APOD: variants seen among roughly 807,000 people sequenced by gnomAD.
APOD encodes the protein apolipoprotein D, also known as apo-D.
A neutral mutation model predicts 20.4 loss-of-function variants in APOD; 22 were observed. The ratio of observed to expected loss-of-function variants is 1.08; its 90% CI spans 0.77 to 1.54. The LOEUF (loss-of-function observed/expected upper bound fraction) is 1.54, where lower values mean the gene tolerates loss of function less well. Ranked by LOEUF, APOD falls within the 40% of genes most tolerant of loss-of-function variation. The probability of loss-of-function intolerance (pLI) is 0.00; values close to 1 mark genes in which losing one functional copy is unlikely to be tolerated. For synonymous variants in APOD, 97 were observed against 92.4 expected, an observed-to-expected ratio of 1.05 and a Z score of -0.29; for missense variants, 223 against 229.6, an observed-to-expected ratio of 0.97 and a Z score of 0.19.
chr3:195,573,043 A>G (rs962213742), intron 3 of APOD, among the ~76,000 whole-genome samples: 2 of 152,176 alleles, frequency 1.3e-5, no homozygotes, highest in Non-Finnish European at 2.9e-5. Context: ...TGGATCTCAG[A>G]CAGCTGGGGA....
At chr3:195,582,166 C>T (rs533806821) in intron 1 of APOD, among the ~76,000 whole-genome samples, 6 of 152,182 alleles carry the variant, frequency 3.9e-5, no homozygotes, top group Non-Finnish European at 8.8e-5. Flanking sequence ...TGCACTCCAG[C>T]CTGGGCAACA....
At chr3:195,571,062 C>A in intron 4 of APOD, 1 of 583,768 alleles carries the variant, frequency 1.7e-6, no homozygotes, top group South Asian at 2.1e-5. Flanking sequence ...AGTATCCACA[C>A]TGGGATGTGA....
intron 2 of APOD, 92 bp downstream of exon 2, chr3:195,579,247 A>T: frequency 6.5e-7 from 1 of 1,546,994 alleles, no homozygotes; most frequent in South Asian, 1.2e-5. Flanking sequence ...CAAGGTGTGC[A>T]GTGGAAATTA....
At chr3:195,579,641 G>GTGTTCCCCTGCA in intron 1 of APOD, 146 bp from the exon 2 acceptor site, 3 of 846,626 alleles carry the variant, frequency 3.5e-6, no homozygotes, top group Non-Finnish European at 5.4e-6. Flanking sequence ...CATCCTGCAG[G>GTGTTCCCCTGCA]GGAACACCTG....
intron 1 of APOD, among the ~76,000 whole-genome samples, chr3:195,581,675 A>G (rs1720340985): frequency 1.3e-5 from 2 of 152,206 alleles, no homozygotes; most frequent in Admixed American, 6.5e-5. Flanking sequence ...GGGCCTTTCA[A>G]TAACCCCCCA....
rs1553889294 is a variant in APOD at position 195,568,831 on chromosome 3, T to TCGGGG, written c.*68_*69insCCCCG. ...GTCGTGGTTGATTGGTTTGTCTTTA[T>TCGGGG]GGGGGGGGGGTAGGGGAAAGCGAAG... On this transcript the variant is annotated 3_prime_UTR_variant, in exon 5 of 5. Coordinates refer to ENST00000343267, the MANE Select transcript of APOD (RefSeq NM_001647.4). The TCGGGG allele has an allele frequency of 3.3e-6, 3 of 898,450 alleles. No homozygotes were observed. The highest frequency in any genetic ancestry group is 4.9e-5 in the African/African-American group (2 of 40,688). The allele number at this position is 898,450 out of a possible 1,614,324, so 55.7% of individuals were successfully genotyped here.
chr3:195,580,828 C>T (rs192679179), intron 1 of APOD, among the ~76,000 whole-genome samples: 62 of 152,272 alleles, frequency 4.1e-4, no homozygotes, highest in African/African-American at 1.4e-3. Flanking sequence ...GGCTTTGAAG[C>T]GGGGCAGCAA....
At chr3:195,583,572 A>G (rs1429830544) in intron 1 of APOD, among the ~76,000 whole-genome samples, 4 of 152,154 alleles carry the variant, frequency 2.6e-5, no homozygotes, top group African/African-American at 9.7e-5. Context: ...GTGCATGGAA[A>G]CACCTCGTTG....
chr3:195,583,169 C>G (rs1234187193), intron 1 of APOD: 1 of 152,144 alleles, frequency 6.6e-6, no homozygotes, highest in African/African-American at 2.4e-5. Flanking sequence ...TTCATACCAA[C>G]GAGGTGAATT....
At chr3:195,581,935 G>A (rs1273563249) in intron 1 of APOD, among the ~76,000 whole-genome samples, 2 of 152,266 alleles carry the variant, frequency 1.3e-5, no homozygotes, top group African/African-American at 2.4e-5. Context: ...ATGGGAGGCC[G>A]AGGCAGGTGG....
intron 2 of APOD, among the ~76,000 whole-genome samples, chr3:195,575,295 T>C (rs1284798012): frequency 6.6e-6 from 1 of 152,218 alleles, no homozygotes; most frequent in Admixed American, 6.5e-5. Flanking sequence ...TGTGATTAGA[T>C]TGAGTTCCCC....
At chr3:195,571,199 A>G (rs767998168) in intron 4 of APOD, 78 bp downstream of exon 4, 12 of 1,247,770 alleles carry the variant, frequency 9.6e-6, no homozygotes, top group Middle Eastern at 1.9e-4. Flanking sequence ...TGTCTCAGGA[A>G]TTCTCCAAGC....
chr3:195,578,926 A>C (rs1560046623), intron 2 of APOD, among the ~76,000 whole-genome samples: 1 of 152,146 alleles, frequency 6.6e-6, no homozygotes, highest in Non-Finnish European at 1.5e-5. Context: ...CTCCCACCTG[A>C]GACCCTGTGT....
Position 195,568,948 on chromosome 3 carries a change from G to GA in APOD, c.521dup (p.Lys175GlnfsTer56). 6.2e-7 allele frequency: 1 copy of GA among 1,614,120 alleles called. No homozygotes were observed. Among genetic ancestry groups the GA allele is most frequent in the East Asian group, 2.2e-5 (1 of 44,884 alleles). ...CCTGGTCTGTGACCGTCATTTTCTT[G>GA]ACATCAATGTTATTAGAAGTCAGGA... is the stretch of plus-strand genomic sequence containing the variant. On this transcript the variant is annotated frameshift_variant, in exon 5 of 5. Transcript: ENST00000343267. LOFTEE classifies it high-confidence loss of function.
chr3:195,569,430 A>G (rs578223023), intron 4 of APOD, among the ~76,000 whole-genome samples: 7 of 152,068 alleles, frequency 4.6e-5, no homozygotes, highest in Non-Finnish European at 1.0e-4. Flanking sequence ...CCATCTGCAC[A>G]TTTCAGCTGC....
At chr3:195,579,208 G>A in intron 2 of APOD, 131 bp downstream of exon 2, 25 of 1,435,194 alleles carry the variant, frequency 1.7e-5, no homozygotes, top group Non-Finnish European at 2.4e-5. Context: ...CTGCTTTGGG[G>A]AAACCCCAAA....
intron 1 of APOD, among the ~76,000 whole-genome samples, chr3:195,580,474 G>A (rs1311224767): frequency 6.6e-6 from 1 of 151,004 alleles, no homozygotes; most frequent in Non-Finnish European, 1.5e-5. Context: ...GCACAATCTC[G>A]GCTCACTGCA....
intron 3 of APOD, among the ~76,000 whole-genome samples, chr3:195,573,297 A>G (rs1720196700): frequency 6.6e-6 from 1 of 152,216 alleles, no homozygotes; most frequent in Admixed American, 6.5e-5. Context: ...TCCAAAGCGT[A>G]GCTTTTTGGA....
chr3:195,571,409 G>A (rs550105267), intron 3 of APOD, 44 bp from the exon 4 acceptor site: 1 of 1,484,616 alleles, frequency 6.7e-7, no homozygotes. Context: ...AACGAAAAGA[G>A]AAAAGAAAAA....
Sources: gnomAD v4.1 joint callset for allele counts (sites outside exome capture counted in the v4.1 genomes callset) on GRCh38, gnomAD v4.1.1 for gene constraint, MANE v1.5 for transcripts, NCBI Gene and HGNC (gene_info 2026-07-23, HGNC 2026-07-21) for gene names.